Variants in LCOR observed in about 807,000 individuals in gnomAD.
LCOR encodes the protein ligand dependent nuclear receptor corepressor.
Under a neutral mutation model 64.4 loss-of-function variants are expected in LCOR, and 14 were observed. The observed-to-expected ratio is 0.22, with a 90% CI of 0.14 to 0.34. The LOEUF is 0.34. Among genes scored for constraint, LCOR ranks in the 10% least tolerant of loss-of-function variants. The pLI is 1.00. For synonymous variants in LCOR, 643 were observed against 642.5 expected, an observed-to-expected ratio of 1.00 and a Z score of -0.01; for missense variants, 1,686 against 1,765.3, an observed-to-expected ratio of 0.96 and a Z score of 0.80.
At chr10:96,955,263 C>G (rs745816326) in intron 7 of LCOR, 5 of 1,614,124 alleles carry the variant, frequency 3.1e-6, no homozygotes, top group Middle Eastern at 1.6e-4. Flanking sequence ...AAATGGTGCA[C>G]TCAGCAACAT....
Position 96,981,493 on chromosome 10 carries a change from A to C in LCOR, c.1033A>C (p.Lys345Gln). 1 of 1,614,234 alleles carries C rather than the reference A, an allele frequency of 6.2e-7. No homozygotes were observed. Among genetic ancestry groups the C allele is most frequent in the East Asian group, 2.2e-5 (1 of 44,890 alleles). ...TATTATTCCTCAAAGAAATTTGTTC[A>C]AAGCTTTATCAGAAGAGGCTTGGAA... is the stretch of plus-strand genomic sequence containing the variant. Reference protein sequence around the residue: ...TCIIPQRNLFKALSEEAWNSG... With the variant: ...TCIIPQRNLFQALSEEAWNSG... The change falls in exon 8 of 8, where the codon AAA becomes CAA. Residue 345 changes from lysine (K) to glutamine (Q), a missense_variant. Around this residue, in one of 3 missense-constraint regions of LCOR, gnomAD observed 313 missense variants for 247.2 expected, o/e 1.27. Coordinates refer to ENST00000421806, the MANE Select transcript of LCOR (RefSeq NM_001346516.2).
intron 4 of LCOR, among the ~76,000 whole-genome samples, chr10:96,920,579 T>TATATATGTGTATATATGTATGTATATTC (rs1564626219): frequency 3.5e-5 from 5 of 142,960 alleles, no homozygotes; most frequent in East Asian, 2.1e-4. Context: ...TGTATATTCA[T>TATATATGTGTATATATGTATGTATATTC]ATATATGTGT....
intron 7 of LCOR, among the ~76,000 whole-genome samples, chr10:96,973,730 A>G (rs1371581364): frequency 3.3e-5 from 5 of 152,294 alleles, no homozygotes; most frequent in South Asian, 2.1e-4. Flanking sequence ...TGTTTCTGCT[A>G]TTAAGATTAG....
chr10:96,875,154 G>A, intron 2 of LCOR, among the ~76,000 whole-genome samples: 1 of 151,800 alleles, frequency 6.6e-6, no homozygotes, highest in South Asian at 2.1e-4. Flanking sequence ...GGAGGCCGAG[G>A]CAGGCAGACC....
At chr10:96,836,435 G>A (rs555452201) in intron 2 of LCOR, among the ~76,000 whole-genome samples, 2 of 152,182 alleles carry the variant, frequency 1.3e-5, no homozygotes, top group African/African-American at 4.8e-5. Flanking sequence ...TTGTATTGAT[G>A]CTGTTTTTAG....
At chr10:96,915,182 G>T (rs10430660) in intron 4 of LCOR, among the ~76,000 whole-genome samples, 10,751 of 152,110 alleles carry the variant, frequency 0.071, 739 homozygotes, top group East Asian at 0.28. Flanking sequence ...CCCCAAAAAC[G>T]ACAATGAAGT....
intron 2 of LCOR, among the ~76,000 whole-genome samples, chr10:96,872,278 C>T (rs889138432): frequency 6.6e-6 from 1 of 152,244 alleles, no homozygotes; most frequent in South Asian, 2.1e-4. Context: ...AATATACCAT[C>T]GGTATCAGCA....
rs150445782 is a variant in LCOR at position 96,946,773 on chromosome 10, A to G, written c.-50-2235A>G. On this transcript the variant is annotated intron_variant, in intron 5 of 7. Coordinates refer to ENST00000421806, the MANE Select transcript of LCOR (RefSeq NM_001346516.2). ...AATAAAGAGACAAGATACTGCAGAC[A>G]TTGAGTGCTCAAAGATAGTGGTCTG... is the stretch of plus-strand genomic sequence containing the variant. Among the ~76,000 whole-genome samples the G allele has an allele frequency of 7.5e-3, 1,138 of 152,260 alleles. 7 individuals are homozygous for G. The highest frequency in any genetic ancestry group is 0.013 in the Non-Finnish European group (851 of 67,934).
intron 2 of LCOR, among the ~76,000 whole-genome samples, chr10:96,873,950 G>A (rs1846120962): frequency 6.6e-6 from 1 of 152,070 alleles, no homozygotes; most frequent in Admixed American, 6.6e-5. Flanking sequence ...GGTTGACTGA[G>A]GGACATTCAT....
intron 7 of LCOR, among the ~76,000 whole-genome samples, chr10:96,980,506 A>G (rs1848074693): frequency 6.6e-6 from 1 of 152,208 alleles, no homozygotes; most frequent in Admixed American, 6.5e-5. Flanking sequence ...AATCAAAAGT[A>G]TATGAGCAGA....
At chr10:96,954,094 C>T (rs1304851339) in intron 7 of LCOR, among the ~76,000 whole-genome samples, 1 of 151,838 alleles carries the variant, frequency 6.6e-6, no homozygotes, top group African/African-American at 2.4e-5. Flanking sequence ...TTTTTTAAGC[C>T]AGAGAAAACT....
intron 4 of LCOR, among the ~76,000 whole-genome samples, chr10:96,938,463 C>T (rs938826911): frequency 3.3e-5 from 5 of 151,900 alleles, no homozygotes; most frequent in Admixed American, 1.3e-4. Flanking sequence ...CAGCTTCCCC[C>T]GAGATCAGAA....
chr10:96,926,334 A>G (rs893025573), intron 4 of LCOR, among the ~76,000 whole-genome samples: 1 of 152,206 alleles, frequency 6.6e-6, no homozygotes, highest in African/African-American at 2.4e-5. Flanking sequence ...AATTTATGGA[A>G]AGTAAAATAC....
chr10:96,944,709 T>A (rs1672334317), intron 5 of LCOR, among the ~76,000 whole-genome samples: 1 of 152,034 alleles, frequency 6.6e-6, no homozygotes, highest in Non-Finnish European at 1.5e-5. Flanking sequence ...CTAAAATTTT[T>A]TATATTAATT....
intron 2 of LCOR, among the ~76,000 whole-genome samples, chr10:96,845,256 G>A (rs564638935): frequency 6.6e-6 from 1 of 152,102 alleles, no homozygotes; most frequent in East Asian, 1.9e-4. Context: ...AAAATAAAAT[G>A]TGAAGGTTCT....
In LCOR at chr10:96,858,126, G is replaced by A. The variant is rs1428074769; in HGVS notation, c.-330+24647G>A. Among the ~76,000 whole-genome samples the A allele has an allele frequency of 2.0e-5, 3 of 152,172 alleles. No homozygotes were observed. The East Asian group carries it at 5.8e-4, about 29-fold the overall frequency. ...GTGATTTTTAAAAGGTTAAGTGGGA[G>A]GAATTGTGCATTTGAGAACCACTGT... On this transcript the variant is annotated intron_variant, in intron 2 of 7. Coordinates refer to ENST00000421806, the MANE Select transcript of LCOR (RefSeq NM_001346516.2).
chr10:96,837,207 G>A (rs746709221), intron 2 of LCOR, among the ~76,000 whole-genome samples: 63 of 152,108 alleles, frequency 4.1e-4, no homozygotes, highest in Non-Finnish European at 7.8e-4. Context: ...AGCCAGGATG[G>A]TCTTGATCTG....
At chr10:96,950,382 T>C (rs543372073) in intron 6 of LCOR, among the ~76,000 whole-genome samples, 6 of 152,270 alleles carry the variant, frequency 3.9e-5, no homozygotes, top group Admixed American at 3.9e-4. Flanking sequence ...CTCATGTTCC[T>C]TTGGTTACCA....
At chr10:96,867,496 C>G (rs1052348756) in intron 2 of LCOR, among the ~76,000 whole-genome samples, 2 of 152,136 alleles carry the variant, frequency 1.3e-5, no homozygotes, top group African/African-American at 4.8e-5. Flanking sequence ...ACTCAGAAGA[C>G]TGAGGTGGGA....
Sources: gnomAD v4.1 joint callset for allele counts (sites outside exome capture counted in the v4.1 genomes callset) on GRCh38, gnomAD v4.1.1 for gene constraint, gnomAD v4.1.1 regional missense constraint, MANE v1.5 for transcripts, NCBI Gene and HGNC (gene_info 2026-07-23, HGNC 2026-07-21) for gene names.